Variants in UBAC2 observed in about 807,000 individuals in gnomAD.
UBAC2 encodes UBA domain containing 2.
Under a neutral mutation model 44.0 loss-of-function variants are expected in UBAC2, and 26 were observed. The ratio of observed to expected loss-of-function variants is 0.59; its 90% CI spans 0.43 to 0.82. UBAC2 has a LOEUF of 0.82. UBAC2 is among the 40% of genes least tolerant of loss of function. The probability of loss-of-function intolerance (pLI) is 0.00; values close to 1 mark genes in which losing one functional copy is unlikely to be tolerated. For missense variants in UBAC2, 329 were observed against 419.4 expected (o/e 0.78, Z 1.88); for synonymous variants, 155 against 154.3 (o/e 1.00, Z -0.04).
At position 99,340,326 on chromosome 13, in the gene UBAC2, G is replaced by A. The variant is rs773067864; in HGVS notation, c.568G>A (p.Gly190Ser). 9.3e-6 allele frequency: 15 copies of A among 1,613,700 alleles called. No homozygotes were observed. The highest frequency in any genetic ancestry group is 4.0e-5 in the African/African-American group (3 of 74,882). ...WIVAISGLMS[G>S]LCYDSKMFQV... ...TTGGACGTTTTTCTTCTAGATGTCC[G>A]GTCTGTGCTACGACAGCAAAATGTT... The change falls in exon 7 of 9, where the codon GGT becomes AGT. Residue 190 changes from glycine to serine, a missense_variant. Physicochemically the swap from Gly to Ser is moderately conservative, Grantham distance 56. Transcript: ENST00000403766.
At position 99,295,764 on chromosome 13, in the gene UBAC2, C is replaced by G; in HGVS notation, c.390-18333C>G. On this transcript the variant is annotated intron_variant, in intron 4 of 8. Transcript: ENST00000403766. This position sits in a 1 kb window ranked among gnomAD's most constrained non-coding sequence, Gnocchi z 4.1. ...GGGTGCACCACAGCAATGAAGCGGT[C>G]AATACTCAGGCAGGTCATAAAGTTC... 1 of 1,613,992 alleles carries G rather than the reference C, an allele frequency of 6.2e-7. No individual in the cohort carries two copies.
intron 1 of UBAC2, among the ~76,000 whole-genome samples, chr13:99,231,945 A>G (rs1417993750): frequency 6.6e-6 from 1 of 152,204 alleles, no homozygotes; most frequent in East Asian, 1.9e-4. Flanking sequence ...ATAATGATCT[A>G]TGTACTGAAG....
At chr13:99,243,233 CTTTTTT>C (rs773750160) in intron 2 of UBAC2, among the ~76,000 whole-genome samples, 3 of 94,254 alleles carry the variant, frequency 3.2e-5, no homozygotes, top group African/African-American at 8.5e-5. Flanking sequence ...TTGAGTAGCT[CTTTTTT>C]TTTTTTTTTT....
intron 4 of UBAC2, among the ~76,000 whole-genome samples, chr13:99,283,265 C>T (rs2043976442): frequency 6.6e-6 from 1 of 152,096 alleles, no homozygotes; most frequent in African/African-American, 2.4e-5. Flanking sequence ...AGAATAGCAG[C>T]TGGTTCATAG....
chr13:99,323,278 A>T (rs1265980681), intron 6 of UBAC2, among the ~76,000 whole-genome samples: 1 of 152,238 alleles, frequency 6.6e-6, no homozygotes, highest in African/African-American at 2.4e-5. Context: ...CTAGTAGTTC[A>T]TTGAAAATGA....
intron 4 of UBAC2, among the ~76,000 whole-genome samples, chr13:99,285,299 C>T (rs1044507985): frequency 2.6e-5 from 4 of 151,960 alleles, no homozygotes; most frequent in African/African-American, 7.3e-5. Flanking sequence ...TCCTCCTCTT[C>T]TTCCTCCCTT....
intron 7 of UBAC2, among the ~76,000 whole-genome samples, chr13:99,355,457 C>G (rs2045164086): frequency 6.6e-6 from 1 of 152,246 alleles, no homozygotes; most frequent in African/African-American, 2.4e-5. Flanking sequence ...AGCTGCAAGA[C>G]AAGGCCTTGG....
intron 8 of UBAC2, among the ~76,000 whole-genome samples, chr13:99,368,688 AGTGTGTGTGTGTGT>A (rs35193753): frequency 1.1e-4 from 16 of 146,596 alleles, no homozygotes; most frequent in Non-Finnish European, 2.1e-4. Flanking sequence ...CTCATGAGAG[AGTGTGTGTGTGTGT>A]GTGTGTGTGT....
intron 4 of UBAC2, among the ~76,000 whole-genome samples, chr13:99,309,186 C>G (rs1239081163): frequency 6.6e-6 from 1 of 152,006 alleles, no homozygotes; most frequent in Non-Finnish European, 1.5e-5. Flanking sequence ...TGTCGGCTCA[C>G]TGCAACCTCC....
chr13:99,366,730 G>A (rs1340229873), intron 7 of UBAC2, among the ~76,000 whole-genome samples: 4 of 152,062 alleles, frequency 2.6e-5, no homozygotes, highest in Admixed American at 1.3e-4. Context: ...ACCCAAGGCC[G>A]CATCTTCCGA....
chr13:99,328,185 TTAAG>T (rs1417721732), intron 6 of UBAC2, among the ~76,000 whole-genome samples: 8 of 152,254 alleles, frequency 5.3e-5, no homozygotes, highest in Non-Finnish European at 1.0e-4. Flanking sequence ...TATTATTGTA[TTAAG>T]TAACAATTAA....
At chr13:99,324,543 T>G (rs188034987) in intron 6 of UBAC2, among the ~76,000 whole-genome samples, 100 of 152,366 alleles carry the variant, frequency 6.6e-4, no homozygotes, top group Admixed American at 1.3e-3. Flanking sequence ...TTTGATAATT[T>G]GTTACCACAG....
At chr13:99,267,602 T>C (rs1047287815) in intron 4 of UBAC2, among the ~76,000 whole-genome samples, 3 of 152,226 alleles carry the variant, frequency 2.0e-5, no homozygotes, top group Non-Finnish European at 4.4e-5. Context: ...CAGAGTCTGC[T>C]CACTTCAGAG....
At chr13:99,254,717 T>A (rs1258250202) in intron 4 of UBAC2, 6 of 605,636 alleles carry the variant, frequency 9.9e-6, no homozygotes, top group Non-Finnish European at 1.7e-5. Context: ...TTTCTCTGAA[T>A]AATTCACAAA....
intron 7 of UBAC2, chr13:99,351,453 C>T (rs1264338791): frequency 4.5e-6 from 2 of 441,362 alleles, no homozygotes; most frequent in Non-Finnish European, 9.1e-6. Flanking sequence ...ATCTTCCAAA[C>T]CTAAAATGTT....
chr13:99,349,722 A>G (rs978746028), intron 7 of UBAC2, among the ~76,000 whole-genome samples: 20 of 152,178 alleles, frequency 1.3e-4, no homozygotes, highest in African/African-American at 4.8e-4. Flanking sequence ...TATTTCTTCT[A>G]CTGCTATCTA....
At chr13:99,351,389 A>G (rs988129756) in intron 7 of UBAC2, 40 of 364,078 alleles carry the variant, frequency 1.1e-4, no homozygotes, top group Non-Finnish European at 2.1e-4. Flanking sequence ...CAGGTTTTAC[A>G]TTTTAAATGG....
At chr13:99,352,999 C>T (rs1386863947) in intron 7 of UBAC2, among the ~76,000 whole-genome samples, 2 of 152,228 alleles carry the variant, frequency 1.3e-5, no homozygotes, top group Admixed American at 6.5e-5. Context: ...CAAGCTGGCA[C>T]GTGGCACCCT....
intron 7 of UBAC2, among the ~76,000 whole-genome samples, chr13:99,350,063 C>T (rs924157529): frequency 3.3e-5 from 5 of 152,180 alleles, no homozygotes; most frequent in Admixed American, 2.0e-4. Context: ...CCCTTCAGCA[C>T]CTGACCCTAT....
Sources: gnomAD v4.1 joint callset for allele counts (sites outside exome capture counted in the v4.1 genomes callset) on GRCh38, gnomAD v4.1.1 for gene constraint, Gnocchi (gnomAD v3.1) non-coding constraint, MANE v1.5 for transcripts, NCBI Gene and HGNC (gene_info 2026-07-23, HGNC 2026-07-21) for gene names.